The following PCLO variants were observed in gnomAD, a reference collection of about 807,000 sequenced individuals.
PCLO encodes piccolo presynaptic cytomatrix protein.
Under a neutral mutation model 427.5 loss-of-function variants are expected in PCLO, and 82 were observed. The observed-to-expected ratio is 0.19, with a 90% CI of 0.16 to 0.23. The LOEUF is 0.23. PCLO is among the 10% of genes least tolerant of loss of function. The pLI is 1.00. For synonymous variants in PCLO, 2,357 were observed against 2,155.4 expected (o/e 1.09, Z -2.59); for missense variants, 6,239 against 6,115.9 (o/e 1.02, Z -0.67).
At chr7:83,053,102 G>A (rs1393956906) in intron 3 of PCLO, among the ~76,000 whole-genome samples, 2 of 151,810 alleles carry the variant, frequency 1.3e-5, no homozygotes, top group African/African-American at 2.4e-5. Flanking sequence ...ACAGATTTAC[G>A]TACAGTATTC....
At chr7:83,019,845 G>A (rs1788298914) in intron 3 of PCLO, among the ~76,000 whole-genome samples, 1 of 152,132 alleles carries the variant, frequency 6.6e-6, no homozygotes, top group African/African-American at 2.4e-5. Context: ...TGAAGCAGCG[G>A]CAAAGGAAAT....
intron 22 of PCLO, among the ~76,000 whole-genome samples, chr7:82,790,092 C>G (rs1562787273): frequency 1.3e-5 from 2 of 152,130 alleles, no homozygotes; most frequent in Non-Finnish European, 2.9e-5. Context: ...TCAGAGCTGT[C>G]TGTCCTGCTT....
chr7:82,843,129 T>A (rs1450748001), intron 13 of PCLO, among the ~76,000 whole-genome samples: 1 of 152,136 alleles, frequency 6.6e-6, no homozygotes, highest in Non-Finnish European at 1.5e-5. Context: ...TTATTCACAA[T>A]AGCCCAGATA....
Position 83,135,371 on chromosome 7 carries a change from C to T in PCLO, c.2179G>A (p.Asp727Asn). The change falls in exon 3 of 25, where the codon GAT (aspartate) becomes AAT (asparagine). Residue 727 changes from aspartate (D) to asparagine (N), a missense_variant. By Grantham distance (23) the Asp-to-Asn change is conservative. Coordinates refer to ENST00000333891, the MANE Select transcript of PCLO (RefSeq NM_033026.6). ...GGAGGGGCTGGCTTGGACAAAGAAT[C>T]TGCCTCAGGGGGCTGCTTGGCCTTG... The part of the protein sequence containing the change: ...SAKAKQPPEA[D>N]SLSKPAPPKE... 1 of 1,613,954 alleles carries T rather than the reference C, an allele frequency of 6.2e-7. No individual in the cohort carries two copies. The highest frequency in any genetic ancestry group is 8.5e-7 in the Non-Finnish European group (1 of 1,179,892).
chr7:82,978,855 C>A (rs951524583), intron 3 of PCLO, among the ~76,000 whole-genome samples: 20 of 87,568 alleles, frequency 2.3e-4, no homozygotes, highest in African/African-American at 1.0e-3. Flanking sequence ...CACACACACA[C>A]AAACACACAC....
intron 22 of PCLO, among the ~76,000 whole-genome samples, chr7:82,798,524 T>A (rs1362639200): frequency 6.6e-6 from 1 of 152,190 alleles, no homozygotes; most frequent in Non-Finnish European, 1.5e-5. Flanking sequence ...TCCATATTTC[T>A]ACGTGGACAA....
At chr7:83,090,515 T>C (rs1314731430) in intron 3 of PCLO, among the ~76,000 whole-genome samples, 1 of 152,108 alleles carries the variant, frequency 6.6e-6, no homozygotes, top group Non-Finnish European at 1.5e-5. Context: ...TCCTAAATAA[T>C]CTGACTCCTT....
chr7:82,759,797 C>T (rs1159809985), intron 24 of PCLO, among the ~76,000 whole-genome samples: 3 of 151,826 alleles, frequency 2.0e-5, no homozygotes, highest in African/African-American at 2.4e-5. Flanking sequence ...CTACTAAAGA[C>T]GTACTATGTG....
At chr7:83,133,499 G>A (rs1241797829) in intron 3 of PCLO, among the ~76,000 whole-genome samples, 2 of 151,774 alleles carry the variant, frequency 1.3e-5, no homozygotes, top group South Asian at 2.1e-4. Flanking sequence ...TTAGAAATTC[G>A]TCGTCTGCTT....
chr7:83,108,538 C>T (rs1790924917), intron 3 of PCLO, among the ~76,000 whole-genome samples: 1 of 151,766 alleles, frequency 6.6e-6, no homozygotes, highest in African/African-American at 2.4e-5. Context: ...TATAATATTG[C>T]TCAAATGAGA....
intron 22 of PCLO, among the ~76,000 whole-genome samples, chr7:82,798,672 T>G: frequency 6.6e-6 from 1 of 152,212 alleles, no homozygotes; most frequent in East Asian, 1.9e-4. Flanking sequence ...TTATTGCAGT[T>G]TTCTTCTCCA....
At chr7:82,976,363 G>A (rs900602944) in intron 3 of PCLO, among the ~76,000 whole-genome samples, 1 of 152,050 alleles carries the variant, frequency 6.6e-6, no homozygotes, top group Admixed American at 6.6e-5. Context: ...CTGCCCTTCA[G>A]ACTTAAGCTC....
intron 3 of PCLO, among the ~76,000 whole-genome samples, chr7:83,046,806 G>A (rs532343291): frequency 6.1e-4 from 93 of 152,072 alleles, no homozygotes; most frequent in Non-Finnish European, 8.1e-4. Flanking sequence ...AAAAAGAGCC[G>A]TGGGTACTTT....
intron 2 of PCLO, among the ~76,000 whole-genome samples, chr7:83,142,032 C>T (rs147167224): frequency 1.3e-5 from 2 of 150,934 alleles, no homozygotes; most frequent in African/African-American, 4.9e-5. Context: ...GGAAGCCCTG[C>T]CCCCCTCCCC....
intron 3 of PCLO, among the ~76,000 whole-genome samples, chr7:83,093,898 A>G (rs1450005686): frequency 6.6e-6 from 1 of 150,486 alleles, no homozygotes; most frequent in Non-Finnish European, 1.5e-5. Flanking sequence ...TATTGCAAGG[A>G]ATATAACAAA....
intron 3 of PCLO, among the ~76,000 whole-genome samples, chr7:83,075,507 C>CA (rs1789928940): frequency 6.6e-6 from 1 of 152,208 alleles, no homozygotes; most frequent in African/African-American, 2.4e-5. Context: ...TAGTAAACAG[C>CA]AAAAATCCAT....
intron 8 of PCLO, among the ~76,000 whole-genome samples, chr7:82,908,396 C>G (rs986292051): frequency 6.6e-6 from 1 of 152,048 alleles, no homozygotes; most frequent in East Asian, 1.9e-4. Context: ...AACAAAACAA[C>G]TAACATTTCC....
intron 7 of PCLO, chr7:82,914,392 T>C (rs1584143168): frequency 1.9e-6 from 1 of 537,226 alleles, no homozygotes; most frequent in Non-Finnish European, 3.3e-6. Context: ...GATGACCATA[T>C]TTTATTGACA....
At chr7:82,958,466 C>A (rs1050788648) in intron 4 of PCLO, among the ~76,000 whole-genome samples, 6 of 151,222 alleles carry the variant, frequency 4.0e-5, no homozygotes, top group African/African-American at 1.5e-4. Context: ...GCTCATTTTA[C>A]ATTCATTTTC....
Sources: allele counts gnomAD v4.1 joint callset (sites outside exome capture counted in the v4.1 genomes callset), GRCh38; gene constraint gnomAD v4.1.1; transcripts MANE v1.5; gene names NCBI Gene and HGNC (gene_info 2026-07-23, HGNC 2026-07-21).